The following GNG7 variants were observed in gnomAD, a reference collection of about 807,000 sequenced individuals.
GNG7 encodes guanine nucleotide-binding protein G(I)/G(S)/G(O) subunit gamma-7.
In GNG7, 1 loss-of-function variant was observed where a neutral mutation model predicts 4.0. That is an observed-to-expected ratio of 0.25 (90% CI 0.09 to 1.18). GNG7 has a LOEUF of 1.18. Among genes scored for constraint, GNG7 ranks in the 50% most tolerant of loss-of-function variants. The pLI, the probability that GNG7 is intolerant of heterozygous loss-of-function variation, is 0.50. For missense variants in GNG7, 86 were observed against 91.9 expected (o/e 0.94, Z 0.26); for synonymous variants, 34 against 36.9 (o/e 0.92, Z 0.29).
At chr19:2,520,988 G>A (rs371857910) in intron 3 of GNG7, among the ~76,000 whole-genome samples, 4 of 152,264 alleles carry the variant, frequency 2.6e-5, no homozygotes, top group African/African-American at 9.6e-5. Context: ...GGGCGTGGTG[G>A]CTCACGCCTG....
At chr19:2,650,421 T>G (rs528074397) in intron 1 of GNG7, among the ~76,000 whole-genome samples, 2 of 152,092 alleles carry the variant, frequency 1.3e-5, no homozygotes, top group African/African-American at 2.4e-5. Flanking sequence ...ACTCCTGACC[T>G]CAGGTGATCC....
chr19:2,551,123 C>T (rs559907171), intron 3 of GNG7, among the ~76,000 whole-genome samples: 19 of 152,312 alleles, frequency 1.2e-4, no homozygotes, highest in Non-Finnish European at 2.6e-4. Flanking sequence ...TGCCACCTGC[C>T]GTCCAGCCAC....
At chr19:2,612,994 C>T (rs1475269397) in intron 2 of GNG7, among the ~76,000 whole-genome samples, 1 of 152,014 alleles carries the variant, frequency 6.6e-6, no homozygotes, top group Non-Finnish European at 1.5e-5. Flanking sequence ...GCCTGGCCAA[C>T]GTCGGACATT....
At chr19:2,636,058 C>T (rs944270099) in intron 2 of GNG7, among the ~76,000 whole-genome samples, 1 of 152,160 alleles carries the variant, frequency 6.6e-6, no homozygotes, top group Non-Finnish European at 1.5e-5. Context: ...CCAATGTCTA[C>T]AGGAGCCAGG....
In GNG7 at chr19:2,634,289, G is replaced by A. The variant is rs535444710; in HGVS notation, c.-78+11935C>T. ...GTGGGGCCGTCCTGGGCACTGCGGG[G>A]TGCTGAGCAGTATCCCTGGCCTCCA... On this transcript the variant is annotated intron_variant, in intron 2 of 4. Transcript: ENST00000382159. This position sits in a 1 kb window ranked among gnomAD's most constrained non-coding sequence, Gnocchi z 5.3. Among the ~76,000 whole-genome samples, 1 of 152,264 alleles carries A rather than the reference G, an allele frequency of 6.6e-6. No homozygotes were observed. The highest frequency in any genetic ancestry group is 2.1e-4 in the South Asian group (1 of 4,832).
intron 1 of GNG7, among the ~76,000 whole-genome samples, chr19:2,662,196 G>C (rs549538821): frequency 1.3e-5 from 2 of 149,702 alleles, no homozygotes; most frequent in Non-Finnish European, 2.9e-5. Context: ...GGGGGCGGAG[G>C]CTGCAGTGAG....
chr19:2,583,064 C>T (rs1024624333), intron 2 of GNG7, among the ~76,000 whole-genome samples: 14 of 152,216 alleles, frequency 9.2e-5, no homozygotes, highest in African/African-American at 3.4e-4. Context: ...CCTCAGCCTC[C>T]CAAAGTAATG....
Position 2,511,954 on chromosome 19 carries a change from G to C in GNG7, c.*3068C>G, listed in dbSNP as rs767610627. On this transcript the variant is annotated 3_prime_UTR_variant, in exon 5 of 5. Transcript: ENST00000382159. The surrounding 1 kb of genome is among the most constrained non-coding windows in gnomAD (Gnocchi z 6.3). ...TGCCCAGGTGGGTCACAACAGGGTC[G>C]GGGCCTGGCCCGCTGTGGCCCTTCA... The C allele has an allele frequency of 4.1e-6, 4 of 985,890 alleles. No individual in the cohort carries two copies. The highest frequency in any genetic ancestry group is 4.8e-6 in the Non-Finnish European group (4 of 830,006). The allele number at this position is 985,890 out of a possible 1,614,324, so 61.1% of individuals were successfully genotyped here.
intron 3 of GNG7, chr19:2,538,918 G>A (rs865825225): frequency 6.1e-5 from 12 of 197,570 alleles, no homozygotes; most frequent in South Asian, 4.7e-4. Context: ...ACAGGCGCCC[G>A]CCACCATGCC....
chr19:2,696,334 G>T (rs1369635270), intron 1 of GNG7, among the ~76,000 whole-genome samples: 1 of 133,954 alleles, frequency 7.5e-6, no homozygotes, highest in Non-Finnish European at 1.6e-5. Context: ...AAGAAAGAAA[G>T]AAAGAAAGAA....
intron 2 of GNG7, among the ~76,000 whole-genome samples, chr19:2,566,368 C>T (rs539590695): frequency 2.3e-4 from 35 of 152,140 alleles, no homozygotes; most frequent in African/African-American, 7.5e-4. Flanking sequence ...CCACTGGCTT[C>T]GGAAGAACCC....
At chr19:2,696,292 G>A (rs56700188) in intron 1 of GNG7, among the ~76,000 whole-genome samples, 41 of 108,604 alleles carry the variant, frequency 3.8e-4, no homozygotes, top group African/African-American at 6.3e-4. Context: ...AAGAGAGAGA[G>A]AGAAAGAAAG....
intron 2 of GNG7, among the ~76,000 whole-genome samples, chr19:2,637,217 C>CCAA (rs386388382): frequency 6.6e-6 from 1 of 151,892 alleles, no homozygotes; most frequent in South Asian, 2.1e-4. Flanking sequence ...CAGGCTCCCC[C>CCAA]CGCCCCCGAG....
Position 2,529,227 on chromosome 19 carries a change from GT to G in GNG7, c.-37-8503del, listed in dbSNP as rs539587867. 2.7e-3 allele frequency among the ~76,000 whole-genome samples: 403 copies of G among 151,432 alleles called. 3 individuals carry two copies. The highest frequency in any genetic ancestry group is 9.6e-3 in the African/African-American group (391 of 40,836). ...GGTGGGTTTTTTTGTTTGTTTGTTT[GT>G]TTTTTGGAGATGATGGCTCACTCTG... On this transcript the variant is annotated intron_variant, in intron 3 of 4. Transcript: ENST00000382159.
At position 2,539,895 on chromosome 19, in the gene GNG7, T is replaced by C. The variant is rs933722094; in HGVS notation, c.-38+15254A>G. Among the ~76,000 whole-genome samples, 30 of 132,396 alleles carry C rather than the reference T, an allele frequency of 2.3e-4. 3 individuals carry two copies. The South Asian group carries it at 4.9e-3, about 21-fold the overall frequency. 86.9% of individuals were successfully genotyped at this position (132,396 alleles called of 152,430 possible). On this transcript the variant is annotated intron_variant, in intron 3 of 4. Coordinates refer to ENST00000382159, the MANE Select transcript of GNG7 (RefSeq NM_052847.3). ...TTCTCTCTCCCTCTCCTTCCTTCCTTCCTCCTTCCCTCCCTCCCTCTTTCT... is the reference window on the plus strand; with the variant it reads ...TTCTCTCTCCCTCTCCTTCCTTCCTCCCTCCTTCCCTCCCTCCCTCTTTCT...
At chr19:2,645,177 G>A (rs1294028324) in intron 2 of GNG7, among the ~76,000 whole-genome samples, 2 of 151,858 alleles carry the variant, frequency 1.3e-5, no homozygotes, top group African/African-American at 2.4e-5. Flanking sequence ...GACCAGCCTG[G>A]GCAACAAAGC....
chr19:2,553,870 T>C (rs1210336906), intron 3 of GNG7, among the ~76,000 whole-genome samples: 1 of 148,394 alleles, frequency 6.7e-6, no homozygotes, highest in African/African-American at 2.5e-5. Context: ...ATATGTAACA[T>C]TGCATACATG....
rs560531741 is a variant in GNG7 at position 2,692,903 on chromosome 19, T to G, written c.-135+9743A>C. On this transcript the variant is annotated intron_variant, in intron 1 of 4. Coordinates refer to ENST00000382159, the MANE Select transcript of GNG7 (RefSeq NM_052847.3). Reference sequence around the variant, plus strand: ...TGGGAGGCTGAGGCAGGAGGATCACTTGAACCTGGGAGTTCAAGGCTGCAG... The same window carrying G: ...TGGGAGGCTGAGGCAGGAGGATCACGTGAACCTGGGAGTTCAAGGCTGCAG... Among the ~76,000 whole-genome samples the G allele has an allele frequency of 4.7e-4, 71 of 149,682 alleles. 1 individual carries two copies. The South Asian group carries it at 0.015, about 31-fold the overall frequency.
At chr19:2,586,671 T>A (rs1363257186) in intron 2 of GNG7, among the ~76,000 whole-genome samples, 1 of 152,110 alleles carries the variant, frequency 6.6e-6, no homozygotes, top group Non-Finnish European at 1.5e-5. Context: ...TCACAGTGAA[T>A]ATCGTGTGTA....
Sources: allele counts gnomAD v4.1 joint callset (sites outside exome capture counted in the v4.1 genomes callset), GRCh38; gene constraint gnomAD v4.1.1; non-coding constraint Gnocchi (gnomAD v3.1); transcripts MANE v1.5; gene names NCBI Gene and HGNC (gene_info 2026-07-23, HGNC 2026-07-21).